Variants in SPDYE5 observed in about 807,000 individuals in gnomAD.
SPDYE5 encodes the protein speedy protein E5.
Under a neutral mutation model 48.5 loss-of-function variants are expected in SPDYE5, and 15 were observed. That is an observed-to-expected ratio of 0.31 (90% CI 0.21 to 0.48). The LOEUF is 0.48. SPDYE5 is among the 20% of genes least tolerant of loss of function. The probability of loss-of-function intolerance (pLI) is 0.99; values close to 1 mark genes in which losing one functional copy is unlikely to be tolerated. For synonymous variants in SPDYE5, 116 were observed against 200.7 expected (o/e 0.58, Z 3.57); for missense variants, 331 against 549.1 (o/e 0.60, Z 3.97).
At chr7:75,493,064 A>G (rs1584734293) in intron 1 of SPDYE5, among the ~76,000 whole-genome samples, 1 of 152,104 alleles carries the variant, frequency 6.6e-6, no homozygotes, top group Non-Finnish European at 1.5e-5. Context: ...GGCCACCCAA[A>G]GTGCTGGGAT....
At chr7:75,496,058 C>T (rs1172984088) in intron 3 of SPDYE5, among the ~76,000 whole-genome samples, 5 of 146,302 alleles carry the variant, frequency 3.4e-5, no homozygotes, top group Admixed American at 1.4e-4. Flanking sequence ...GCCCAGAAGT[C>T]AGGAAGGAGC....
chr7:75,494,517 AAAAAAAAAAAAAAAAG>A (rs1792853027), intron 2 of SPDYE5, among the ~76,000 whole-genome samples: 1 of 1,368 alleles, frequency 7.3e-4, no homozygotes, highest in African/African-American at 4.6e-3. Context: ...ACTGCACTCC[AAAAAAAAAAAAAAAAG>A]AAAAGAAAAG....
In SPDYE5 at chr7:75,494,076, A is replaced by G; in HGVS notation, c.29A>G (p.Lys10Arg). The change falls in exon 2 of 9, where the codon AAG becomes AGG. Residue 10 changes from lysine (K) to arginine (R), a missense_variant. By Grantham distance (26) the Lys-to-Arg change is conservative (BLOSUM62 2). Coordinates refer to ENST00000625065, the MANE Select transcript of SPDYE5 (RefSeq NM_001306141.4). MDRTETRFR[K>R]RGQITEKITT... ...GACAGAACGGAGACTAGGTTCCGTA[A>G]GAGGGGACAGATTACGGAAAAGATC... 1.3e-6 allele frequency: 2 copies of G among 1,534,312 alleles called. No homozygotes were observed. Among genetic ancestry groups the G allele is most frequent in the Non-Finnish European group, 1.7e-6 (2 of 1,146,594 alleles).
At chr7:75,494,345 A>G (rs1207718792) in intron 2 of SPDYE5, 138 bp downstream of exon 2, 2 of 1,315,442 alleles carry the variant, frequency 1.5e-6, no homozygotes, top group African/African-American at 1.5e-5. Context: ...CAGGAGTTCA[A>G]GGCCAGCCTG....
intron 5 of SPDYE5, among the ~76,000 whole-genome samples, chr7:75,498,794 T>G (rs1242273681): frequency 1.3e-5 from 2 of 149,784 alleles, no homozygotes; most frequent in Non-Finnish European, 3.0e-5. Flanking sequence ...CCCTCAGGAT[T>G]CTGCTGGTCT....
chr7:75,498,866 G>A (rs1554483007), intron 5 of SPDYE5, among the ~76,000 whole-genome samples: 2 of 151,784 alleles, frequency 1.3e-5, no homozygotes, highest in Non-Finnish European at 2.9e-5. Flanking sequence ...TGAGCTCTGG[G>A]CCACAGTCTG....
At chr7:75,495,765 T>A (rs1792901977) in intron 3 of SPDYE5, among the ~76,000 whole-genome samples, 1 of 151,974 alleles carries the variant, frequency 6.6e-6, no homozygotes, top group Non-Finnish European at 1.5e-5. Context: ...GAAGGCCGGG[T>A]GTGGTAGCTC....
At chr7:75,495,502 A>T (rs1792893049) in intron 3 of SPDYE5, 128 bp downstream of exon 3, 2 of 1,533,558 alleles carry the variant, frequency 1.3e-6, no homozygotes, top group Admixed American at 2.0e-5. Context: ...AGGAGGACTC[A>T]GAAGTGATCA....
Position 75,501,017 on chromosome 7 carries a change from T to C in SPDYE5, c.756-345T>C, listed in dbSNP as rs3973243. On this transcript the variant is annotated intron_variant, in intron 6 of 8. Transcript: ENST00000625065. ...GCCACCGCGTCTGGCATATTTCTTA[T>C]ATTTTTAATAGAGACGAGGGTCTTG... Among the ~76,000 whole-genome samples the C allele has an allele frequency of 6.6e-5, 10 of 152,252 alleles. No individual in the cohort carries two copies. In the East Asian group the frequency reaches 1.5e-3, roughly 24 times the overall value.
At position 75,501,645 on chromosome 7, in the gene SPDYE5, C is replaced by G. The variant is rs1554483559; in HGVS notation, c.1039C>G (p.Leu347Val). ...GTTCCAGTTAGGCCGTTCCATGAACCTGAGGGCCAGGAAGAACCGCTCTCA... is the reference window on the plus strand; with the variant it reads ...GTTCCAGTTAGGCCGTTCCATGAACGTGAGGGCCAGGAAGAACCGCTCTCA... ...RRFQLGRSMN[L>V]RARKNRSQIV... Residue 347 changes from leucine (L) to valine (V), a missense_variant, in exon 7 of 9, where the codon CTG becomes GTG. By Grantham distance (32) the Leu-to-Val change is conservative (BLOSUM62 1). Transcript: ENST00000625065. 6.2e-7 allele frequency: 1 copy of G among 1,613,676 alleles called. No individual in the cohort carries two copies. The highest frequency in any genetic ancestry group is 1.7e-5 in the Admixed American group (1 of 60,014).
In SPDYE5 at chr7:75,494,297, G is replaced by A. The variant is rs1265911520; in HGVS notation, c.160+90G>A. Reference sequence around the variant, plus strand: ...GCGGTGGCTCACGCCTGTAACCCCAGCACTTTGGGAGGCCGAGGCGGGCGG... The same window carrying A: ...GCGGTGGCTCACGCCTGTAACCCCAACACTTTGGGAGGCCGAGGCGGGCGG... On this transcript the variant is annotated intron_variant, in intron 2 of 8. Coordinates refer to ENST00000625065, the MANE Select transcript of SPDYE5 (RefSeq NM_001306141.4). The A allele has an allele frequency of 4.0e-6, 6 of 1,497,650 alleles. No individual in the cohort carries two copies. In the African/African-American group the frequency reaches 6.9e-5, roughly 17 times the overall value. The allele number at this position is 1,497,650 out of a possible 1,614,324, so 92.8% of individuals were successfully genotyped here.
At position 75,503,569 on chromosome 7, in the gene SPDYE5, A is replaced by G. The variant is rs1442554982; in HGVS notation, c.*782A>G. ...ACTTCCATAATAATCTCTTCTATTT[A>G]TAGCTATTGGTAGTTCCCCACCACA... On this transcript the variant is annotated 3_prime_UTR_variant, in exon 9 of 9. Transcript: ENST00000625065. 1.3e-5 allele frequency: 2 copies of G among 151,654 alleles called. No individual in the cohort carries two copies. Among genetic ancestry groups the G allele is most frequent in the Admixed American group, 6.6e-5 (1 of 15,240 alleles). 9.4% of individuals were successfully genotyped at this position (151,654 alleles called of 1,614,324 possible).
At position 75,493,769 on chromosome 7, in the gene SPDYE5, G is replaced by A. The variant is rs1792821137; in HGVS notation, c.-279G>A. On this transcript the variant is annotated 5_prime_UTR_variant, in exon 2 of 9. Transcript: ENST00000625065. ...AGATGCTTTTGGACAATGGTCTGAG[G>A]TTGGGACAGTGGCAGGAGATACCAT... The A allele has an allele frequency of 7.1e-7, 1 of 1,414,622 alleles. No individual in the cohort carries two copies. Among genetic ancestry groups the A allele is most frequent in the Non-Finnish European group, 9.2e-7 (1 of 1,083,928 alleles). The allele number at this position is 1,414,622 out of a possible 1,614,324, so 87.6% of individuals were successfully genotyped here.
rs1464111512 is a variant in SPDYE5, at chr7:75,496,777, G to C, written c.483G>C (p.Lys161Asn). 2 of 1,572,720 alleles carry C rather than the reference G, an allele frequency of 1.3e-6. No homozygotes were observed. The highest frequency in any genetic ancestry group is 1.8e-5 in the Admixed American group (1 of 54,678). Residue 161 changes from lysine to asparagine, a missense_variant, in exon 4 of 9, where the codon AAG becomes AAC. Coordinates refer to ENST00000625065, the MANE Select transcript of SPDYE5 (RefSeq NM_001306141.4). ...SEESLEEEPRKVLAPEPEEIW... is the reference protein window; with the variant it reads ...SEESLEEEPRNVLAPEPEEIW... ...AGTCGTTGGAGGAGGAGCCACGGAA[G>C]GTGCTCGCCCCTGAGCCTGAGGAGA... is the stretch of plus-strand genomic sequence containing the variant.
intron 6 of SPDYE5, among the ~76,000 whole-genome samples, chr7:75,500,588 C>G (rs1793108159): frequency 6.6e-6 from 1 of 151,248 alleles, no homozygotes; most frequent in African/African-American, 2.4e-5. Flanking sequence ...AGCTGGAGTG[C>G]AGTGGTGAGA....
intron 3 of SPDYE5, among the ~76,000 whole-genome samples, chr7:75,496,015 C>CAAAAAAAA (rs58917345): frequency 1.5e-5 from 1 of 65,808 alleles, no homozygotes; most frequent in African/African-American, 5.7e-5. Flanking sequence ...GACGCTGTGT[C>CAAAAAAAA]AAAAAAAAAA....
In SPDYE5 at chr7:75,501,747, T is replaced by C. The variant is rs1442284740; in HGVS notation, c.1141T>C (p.Leu381=). The part of the protein sequence containing the change: ...SGRAWVSPEE[L]EEIQAYDPEH... ...CAGGGCTTGGGTTTCCCCGGAGGAG[T>C]TGGAGGAGGTAGGTGGGGCCTGGGG... is the stretch of plus-strand genomic sequence containing the variant. The change falls in exon 7 of 9, where the codon TTG becomes CTG. Residue 381 remains leucine, a synonymous_variant. Transcript: ENST00000625065. 3.1e-6 allele frequency: 5 copies of C among 1,609,562 alleles called. No individual in the cohort carries two copies. In the African/African-American group the frequency reaches 4.1e-5, roughly 13 times the overall value.
rs1245288654 is a variant in SPDYE5 at position 75,503,875 on chromosome 7, C to G, written c.*1088C>G. The G allele has an allele frequency of 6.6e-6, 1 of 151,114 alleles. No individual in the cohort carries two copies. Among genetic ancestry groups the G allele is most frequent in the Non-Finnish European group, 1.5e-5 (1 of 67,782 alleles). The allele number at this position is 151,114 out of a possible 1,614,324, so 9.4% of individuals were successfully genotyped here. A position where few individuals can be genotyped will look rare whatever the true frequency, so the allele number is the denominator to read the frequency against. On this transcript the variant is annotated 3_prime_UTR_variant, in exon 9 of 9. Transcript: ENST00000625065. ...AAATACTGCTATTTTTGAATAGATG[C>G]TGTTTCTATAAAGCTGTGTGATGGG...
Position 75,503,687 on chromosome 7 carries a change from CAGAT to C in SPDYE5, c.*902_*905del, listed in dbSNP as rs1356236415. ...TTCAGTTGTGATTTTTAACATGTCT[CAGAT>C]ATATATACTAACACGTCTAATATAT... is the stretch of plus-strand genomic sequence containing the variant. On this transcript the variant is annotated 3_prime_UTR_variant, in exon 9 of 9. Coordinates refer to ENST00000625065, the MANE Select transcript of SPDYE5 (RefSeq NM_001306141.4). 1.2e-4 allele frequency: 18 copies of C among 150,080 alleles called. No homozygotes were observed. The highest frequency in any genetic ancestry group is 2.1e-4 in the Non-Finnish European group (14 of 67,404). The allele number at this position is 150,080 out of a possible 1,614,324, so 9.3% of individuals were successfully genotyped here.
Sources: gnomAD v4.1 joint callset for allele counts (sites outside exome capture counted in the v4.1 genomes callset) on GRCh38, gnomAD v4.1.1 for gene constraint, MANE v1.5 for transcripts, NCBI Gene and HGNC (gene_info 2026-07-23, HGNC 2026-07-21) for gene names.